Variants in ZPLD1 observed in about 807,000 individuals in gnomAD.
ZPLD1 encodes zona pellucida-like domain-containing protein 1.
ZPLD1 carries 34 observed loss-of-function variants against 47.2 expected under a neutral mutation model. The ratio of observed to expected loss-of-function variants is 0.72; its 90% CI spans 0.55 to 0.96. The LOEUF (loss-of-function observed/expected upper bound fraction) is 0.96. Ranked by LOEUF, ZPLD1 falls within the 40% of genes least tolerant of loss-of-function variation. The probability of loss-of-function intolerance (pLI) is 0.00; values close to 1 mark genes in which losing one functional copy is unlikely to be tolerated. For synonymous variants in ZPLD1, 176 were observed against 186.2 expected (o/e 0.95, Z 0.45); for missense variants, 512 against 505.8 (o/e 1.01, Z -0.12).
chr3:102,393,007 T>C (rs1222766184), intron 7 of ZPLD1, among the ~76,000 whole-genome samples: 1 of 152,214 alleles, frequency 6.6e-6, no homozygotes, highest in Non-Finnish European at 1.5e-5. Flanking sequence ...TCTTCTTTCC[T>C]CTTCCTTCAA....
At chr3:102,409,412 A>G (rs1269070235) in intron 7 of ZPLD1, among the ~76,000 whole-genome samples, 1 of 151,836 alleles carries the variant, frequency 6.6e-6, no homozygotes, top group Non-Finnish European at 1.5e-5. Context: ...AGTGGCAATT[A>G]AATTTCAACA....
rs534822852 is a variant in ZPLD1 at position 102,441,658 on chromosome 3, G to A, written c.106+3065G>A. ...TTAAATAAGCATTAAACCAGAATGT[G>A]ATTCACATCACAGGTAATCAGTAAG... On this transcript the variant is annotated intron_variant, in intron 3 of 11. Coordinates refer to ENST00000466937, the MANE Select transcript of ZPLD1 (RefSeq NM_001329788.2). 3.3e-5 allele frequency among the ~76,000 whole-genome samples: 5 copies of A among 152,170 alleles called. No individual in the cohort carries two copies. The East Asian group carries it at 7.7e-4, about 23-fold the overall frequency.
chr3:102,470,042 C>T (rs924133614), intron 9 of ZPLD1, among the ~76,000 whole-genome samples: 1 of 152,146 alleles, frequency 6.6e-6, no homozygotes, highest in Non-Finnish European at 1.5e-5. Flanking sequence ...GGAGAGTCCA[C>T]ATTACCTTGA....
intron 8 of ZPLD1, among the ~76,000 whole-genome samples, chr3:102,426,761 G>C (rs1198518753): frequency 6.6e-6 from 1 of 152,140 alleles, no homozygotes; most frequent in Non-Finnish European, 1.5e-5. Context: ...TATGCTACTT[G>C]ATCCAACTGG....
chr3:102,457,141 G>A (rs1242339404), intron 5 of ZPLD1, among the ~76,000 whole-genome samples: 2 of 152,154 alleles, frequency 1.3e-5, no homozygotes, highest in Non-Finnish European at 2.9e-5. Flanking sequence ...TCTTAGTTAT[G>A]AGGAAATGTG....
intron 6 of ZPLD1, among the ~76,000 whole-genome samples, chr3:102,387,675 T>C (rs1050260907): frequency 6.6e-6 from 1 of 152,104 alleles, no homozygotes; most frequent in Non-Finnish European, 1.5e-5. Context: ...CTGTTGGTCA[T>C]TTTTTCTGAC....
At chr3:102,419,009 T>C (rs1706844300) in intron 8 of ZPLD1, among the ~76,000 whole-genome samples, 1 of 152,006 alleles carries the variant, frequency 6.6e-6, no homozygotes, top group Non-Finnish European at 1.5e-5. Flanking sequence ...GTTCATGTAT[T>C]TGAGATAATA....
Position 102,394,410 on chromosome 3 carries a change from A to G in ZPLD1, c.-157+2185A>G, listed in dbSNP as rs76894606. 2.1e-3 allele frequency among the ~76,000 whole-genome samples: 316 copies of G among 152,316 alleles called. 9 individuals are homozygous for G. The East Asian group carries it at 0.034, about 16-fold the overall frequency. ...AGTGTTATGCCTTAAAATGAAGCAC[A>G]TGAAATATGAACAAGCTAATGTTCC... On this transcript the variant is annotated intron_variant, in intron 7 of 17. Coordinates refer to the ZPLD1 transcript ENST00000491959.
intron 9 of ZPLD1, 74 bp downstream of exon 9, chr3:102,469,209 A>T: frequency 6.8e-7 from 1 of 1,474,322 alleles, no homozygotes; most frequent in Non-Finnish European, 9.2e-7. Flanking sequence ...GTCAGAAACT[A>T]AGTTCTGCAT....
chr3:102,430,023 G>C (rs907751239), upstream of ZPLD1, among the ~76,000 whole-genome samples: 2 of 152,052 alleles, frequency 1.3e-5, no homozygotes, highest in Non-Finnish European at 2.9e-5. Context: ...TGCACCCCTA[G>C]TATTATAACA....
At chr3:102,390,255 TCTAA>T (rs1706480566) in intron 6 of ZPLD1, among the ~76,000 whole-genome samples, 2 of 152,188 alleles carry the variant, frequency 1.3e-5, no homozygotes, top group African/African-American at 2.4e-5. Context: ...TGCTTTCTAC[TCTAA>T]CTAACTTCAA....
chr3:102,422,085 A>T (rs763280901), intron 8 of ZPLD1, among the ~76,000 whole-genome samples: 5 of 152,020 alleles, frequency 3.3e-5, no homozygotes, highest in Admixed American at 2.6e-4. Context: ...TGACACACTT[A>T]ATTTTCTACA....
At chr3:102,426,293 A>G (rs1342800798) in intron 8 of ZPLD1, among the ~76,000 whole-genome samples, 1 of 152,142 alleles carries the variant, frequency 6.6e-6, no homozygotes, top group East Asian at 1.9e-4. Flanking sequence ...TGAGGCAGGT[A>G]GTTCGCCTGA....
intron 8 of ZPLD1, among the ~76,000 whole-genome samples, chr3:102,465,608 T>C (rs139821140): frequency 1.4e-3 from 209 of 152,318 alleles, no homozygotes; most frequent in African/African-American, 4.8e-3. Context: ...CCCAAACTTC[T>C]ATAATCCTCA....
At chr3:102,419,061 C>T (rs537483124) in intron 8 of ZPLD1, among the ~76,000 whole-genome samples, 4 of 151,964 alleles carry the variant, frequency 2.6e-5, no homozygotes, top group Non-Finnish European at 5.9e-5. Context: ...TCATTTTGCT[C>T]CTTTGAATTG....
At chr3:102,407,194 T>A (rs984463242) in intron 7 of ZPLD1, among the ~76,000 whole-genome samples, 1 of 151,244 alleles carries the variant, frequency 6.6e-6, no homozygotes, top group Admixed American at 6.6e-5. Flanking sequence ...ACTGCATTAT[T>A]GAACATACCT....
At chr3:102,426,565 T>C (rs1706951028) in intron 8 of ZPLD1, among the ~76,000 whole-genome samples, 1 of 152,196 alleles carries the variant, frequency 6.6e-6, no homozygotes, top group Non-Finnish European at 1.5e-5. Context: ...TCTTTCCTTT[T>C]AATTATTAAT....
At chr3:102,434,375 G>A (rs545519585), upstream of ZPLD1, among the ~76,000 whole-genome samples, 1 of 152,282 alleles carries the variant, frequency 6.6e-6, no homozygotes, top group Admixed American at 6.5e-5. Context: ...AAAGAAATTA[G>A]AGATTTATAT....
chr3:102,469,945 A>C (rs1216171058), intron 9 of ZPLD1, among the ~76,000 whole-genome samples: 2 of 152,156 alleles, frequency 1.3e-5, no homozygotes, highest in Admixed American at 6.5e-5. Context: ...GTTTATATTT[A>C]TGTTCAATTT....
Sources: allele counts gnomAD v4.1 joint callset (sites outside exome capture counted in the v4.1 genomes callset), GRCh38; gene constraint gnomAD v4.1.1; transcripts MANE v1.5; gene names NCBI Gene and HGNC (gene_info 2026-07-23, HGNC 2026-07-21).